Variants in FAM3D observed in about 807,000 individuals in gnomAD.
FAM3D encodes FAM3 metabolism regulating signaling molecule D.
FAM3D carries 26 observed loss-of-function variants against 29.8 expected under a neutral mutation model. That is an observed-to-expected ratio of 0.87 (90% CI 0.64 to 1.21). FAM3D has a LOEUF of 1.21. Among genes scored for constraint, FAM3D ranks in the 50% most tolerant of loss-of-function variants. The pLI, the probability that FAM3D is intolerant of heterozygous loss-of-function variation, is 0.00. For missense variants in FAM3D, 253 were observed against 290.9 expected (o/e 0.87, Z 0.95); for synonymous variants, 115 against 102.3 (o/e 1.12, Z -0.75).
chr3:58,649,293 G>T lies in FAM3D; in HGVS notation c.145+22C>A, dbSNP rs780220018. On this transcript the variant is annotated intron_variant, in intron 4 of 9. Coordinates refer to ENST00000358781, the MANE Select transcript of FAM3D (RefSeq NM_138805.3). ...GTGAGTGGATGAGGTCGGGGGAGGT[G>T]TGGGGCTGCACAGATACTCACGGAT... 4 of 1,612,640 alleles carry T rather than the reference G, an allele frequency of 2.5e-6. No individual in the cohort carries two copies. The South Asian group carries it at 4.4e-5, about 18-fold the overall frequency.
chr3:58,655,749 T>C (rs2066776535), intron 1 of FAM3D, 148 bp from the exon 2 acceptor site: 1 of 573,554 alleles, frequency 1.7e-6, no homozygotes, highest in Non-Finnish European at 3.0e-6. Flanking sequence ...AAGAGGGCAA[T>C]TTTCCTCCTT....
intron 6 of FAM3D, among the ~76,000 whole-genome samples, chr3:58,642,973 G>A (rs1217070218): frequency 6.6e-6 from 1 of 152,032 alleles, no homozygotes; most frequent in Non-Finnish European, 1.5e-5. Flanking sequence ...TGTTGCCCCT[G>A]CCTGGAAAGA....
intron 6 of FAM3D, among the ~76,000 whole-genome samples, chr3:58,641,774 C>G (rs759948937): frequency 3.9e-5 from 6 of 152,084 alleles, no homozygotes; most frequent in Non-Finnish European, 7.4e-5. Flanking sequence ...CAGTAAGTGC[C>G]CAATAAATGC....
intron 1 of FAM3D, among the ~76,000 whole-genome samples, chr3:58,661,098 T>C (rs1191927419): frequency 6.6e-6 from 1 of 152,346 alleles, no homozygotes; most frequent in Non-Finnish European, 1.5e-5. Flanking sequence ...AGACAATATA[T>C]AAATGAATAC....
At chr3:58,661,675 C>T (rs2066933561) in intron 1 of FAM3D, among the ~76,000 whole-genome samples, 1 of 152,218 alleles carries the variant, frequency 6.6e-6, no homozygotes, top group Non-Finnish European at 1.5e-5. Context: ...AGCGTGGACA[C>T]AGTCCTCTCT....
At chr3:58,665,676 T>C (rs1039222018) in intron 1 of FAM3D, among the ~76,000 whole-genome samples, 6 of 152,160 alleles carry the variant, frequency 3.9e-5, no homozygotes, top group African/African-American at 1.2e-4. Flanking sequence ...TGTGGCATAG[T>C]GGGCAGGAGC....
At chr3:58,646,431 T>C (rs1453154460) in intron 4 of FAM3D, among the ~76,000 whole-genome samples, 2 of 152,136 alleles carry the variant, frequency 1.3e-5, no homozygotes, top group African/African-American at 4.8e-5. Flanking sequence ...TGGGGGGAGA[T>C]GCTGGTGGGA....
intron 1 of FAM3D, among the ~76,000 whole-genome samples, chr3:58,661,484 C>T (rs1228796556): frequency 6.6e-6 from 1 of 152,222 alleles, no homozygotes; most frequent in African/African-American, 2.4e-5. Flanking sequence ...CCTGACAGAT[C>T]ATCCTCTGAA....
intron 1 of FAM3D, among the ~76,000 whole-genome samples, chr3:58,656,521 AC>A (rs57045050): frequency 0.16 from 24,205 of 151,712 alleles, 2,335 homozygotes; most frequent in African/African-American, 0.26. Flanking sequence ...CCCCTGTGTC[AC>A]CCCCCAGGTG....
intron 1 of FAM3D, among the ~76,000 whole-genome samples, chr3:58,657,202 C>T (rs1225392640): frequency 6.6e-6 from 1 of 151,994 alleles, no homozygotes; most frequent in Non-Finnish European, 1.5e-5. Flanking sequence ...TCGGAGGAAC[C>T]CCATGTTAGA....
At chr3:58,661,766 C>T (rs774810802) in intron 1 of FAM3D, among the ~76,000 whole-genome samples, 2 of 152,232 alleles carry the variant, frequency 1.3e-5, no homozygotes, top group Non-Finnish European at 2.9e-5. Flanking sequence ...CAAAACCCAA[C>T]ACCTGGCACA....
rs925319459 is a variant in FAM3D, at chr3:58,635,190, C to T, written c.586-822G>A. On this transcript the variant is annotated intron_variant, in intron 9 of 9. Coordinates refer to ENST00000358781, the MANE Select transcript of FAM3D (RefSeq NM_138805.3). This position sits in a 1 kb window ranked among gnomAD's most constrained non-coding sequence, Gnocchi z 5.2. The stretch of plus-strand genomic sequence containing the variant: ...ACCCTATCTCTAAAATATATATATA[C>T]TAGTAATAAGTATGTAAGAAGAATA... Among the ~76,000 whole-genome samples the T allele has an allele frequency of 5.9e-5, 9 of 152,096 alleles. No individual in the cohort carries two copies. Among genetic ancestry groups the T allele is most frequent in the African/African-American group, 2.2e-4 (9 of 41,484 alleles).
rs1407501886 is a variant in FAM3D, at chr3:58,646,421, T to C, written c.146-795A>G. Among the ~76,000 whole-genome samples, 3 of 152,118 alleles carry C rather than the reference T, an allele frequency of 2.0e-5. No homozygotes were observed. The East Asian group carries it at 5.8e-4, about 29-fold the overall frequency. ...AGGGTAAATTGGGGAGGTCCATGCC[T>C]GGGGGGAGATGCTGGTGGGACCTAA... On this transcript the variant is annotated intron_variant, in intron 4 of 9. Coordinates refer to ENST00000358781, the MANE Select transcript of FAM3D (RefSeq NM_138805.3).
intron 3 of FAM3D, among the ~76,000 whole-genome samples, chr3:58,649,665 C>CAT (rs200612750): frequency 0.02 from 3,118 of 152,174 alleles, 97 homozygotes; most frequent in East Asian, 0.11. Flanking sequence ...CACACACAGA[C>CAT]GTGTACACAC....
At chr3:58,644,107 G>A (rs973830886) in intron 5 of FAM3D, among the ~76,000 whole-genome samples, 4 of 152,162 alleles carry the variant, frequency 2.6e-5, no homozygotes, top group African/African-American at 9.6e-5. Flanking sequence ...TGCTGGCCCG[G>A]CATCCACACC....
chr3:58,661,165 A>G (rs1575494186), intron 1 of FAM3D, among the ~76,000 whole-genome samples: 1 of 152,138 alleles, frequency 6.6e-6, no homozygotes, highest in South Asian at 2.1e-4. Context: ...GCTGCATTTG[A>G]CCTGCGGGCT....
intron 1 of FAM3D, among the ~76,000 whole-genome samples, chr3:58,659,635 G>T (rs1411929918): frequency 6.6e-6 from 1 of 152,212 alleles, no homozygotes; most frequent in African/African-American, 2.4e-5. Flanking sequence ...CCAGGGAGTG[G>T]CTCTCAAAGG....
intron 1 of FAM3D, among the ~76,000 whole-genome samples, chr3:58,661,907 C>T (rs1419928718): frequency 6.6e-6 from 1 of 152,180 alleles, no homozygotes; most frequent in Non-Finnish European, 1.5e-5. Context: ...GGGTGTGCTC[C>T]ACATGGAAAA....
intron 5 of FAM3D, among the ~76,000 whole-genome samples, chr3:58,644,393 TG>T (rs2066419907): frequency 6.6e-6 from 1 of 152,200 alleles, no homozygotes; most frequent in Admixed American, 6.5e-5. Flanking sequence ...CAAGATCTAA[TG>T]GTTTTATAAG....
Sources: allele counts gnomAD v4.1 joint callset (sites outside exome capture counted in the v4.1 genomes callset), GRCh38; gene constraint gnomAD v4.1.1; non-coding constraint Gnocchi (gnomAD v3.1); transcripts MANE v1.5; gene names NCBI Gene and HGNC (gene_info 2026-07-23, HGNC 2026-07-21).